The following ZNF248 variants were observed in gnomAD, a reference collection of about 807,000 sequenced individuals.
ZNF248 encodes KRAB protein domain.
ZNF248 carries 20 observed loss-of-function variants against 44.3 expected under a neutral mutation model. The ratio of observed to expected loss-of-function variants is 0.45; its 90% CI spans 0.32 to 0.66. ZNF248 has a LOEUF of 0.66. ZNF248 is among the 30% of genes least tolerant of loss of function. The probability of loss-of-function intolerance (pLI) is 0.04; values close to 1 mark genes in which losing one functional copy is unlikely to be tolerated. For synonymous variants in ZNF248, 224 were observed against 229.0 expected (o/e 0.98, Z 0.20); for missense variants, 654 against 677.0 (o/e 0.97, Z 0.38).
intron 6 of ZNF248, among the ~76,000 whole-genome samples, chr10:37,791,235 G>T: frequency 6.6e-6 from 1 of 151,250 alleles, no homozygotes; most frequent in East Asian, 1.9e-4. Context: ...GTAGAGACGG[G>T]GTTTCACCAT....
rs146896344 is a variant in ZNF248, at chr10:37,800,152, C to T, written c.331-23577G>A. On this transcript the variant is annotated intron_variant, in intron 6 of 6. Coordinates refer to the ZNF248 transcript ENST00000615949. ...TATTTTAGGTTCAGGGGTACATGTA[C>T]GGGTTTGTTATATAGGTAAGTTGCA... 2.7e-3 allele frequency among the ~76,000 whole-genome samples: 415 copies of T among 152,198 alleles called. 2 individuals carry two copies. The highest frequency in any genetic ancestry group is 3.0e-3 in the Non-Finnish European group (204 of 68,004).
At chr10:37,782,070 T>C (rs2047384803) in intron 6 of ZNF248, among the ~76,000 whole-genome samples, 1 of 152,206 alleles carries the variant, frequency 6.6e-6, no homozygotes, top group Admixed American at 6.5e-5. Flanking sequence ...TGGATGTCCA[T>C]TAAATATTAC....
At chr10:37,814,949 G>A (rs2133475298) in intron 6 of ZNF248, among the ~76,000 whole-genome samples, 1 of 152,132 alleles carries the variant, frequency 6.6e-6, no homozygotes, top group African/African-American at 2.4e-5. Context: ...ATTTTAAAAT[G>A]TTTCACCAAT....
downstream of ZNF248, among the ~76,000 whole-genome samples, chr10:37,774,592 T>C (rs1218367787): frequency 6.6e-6 from 1 of 152,112 alleles, no homozygotes; most frequent in East Asian, 1.9e-4. Flanking sequence ...CCTGGATCAA[T>C]TGAGCTGTCC....
chr10:37,784,388 C>G (rs746065948), intron 6 of ZNF248, among the ~76,000 whole-genome samples: 1 of 152,182 alleles, frequency 6.6e-6, no homozygotes, highest in Non-Finnish European at 1.5e-5. Context: ...AGAGCCTTCA[C>G]GCTGTCTCCT....
At position 37,856,530 on chromosome 10, in the gene ZNF248, G is replaced by C. The variant is rs2061322244; in HGVS notation, c.-123C>G. On this transcript the variant is annotated splice_region_variant and 5_prime_UTR_variant, in exon 2 of 6. Coordinates refer to ENST00000395867, the MANE Select transcript of ZNF248 (RefSeq NM_021045.3). ...TCTTATTGATTTATTACCAATTTAG[G>C]TTCTGTGACACAGAAAAATTAAAAA... 2.5e-6 allele frequency: 3 copies of C among 1,206,264 alleles called. No homozygotes were observed. The East Asian group carries it at 1.0e-4, about 41-fold the overall frequency. 74.7% of individuals were successfully genotyped at this position (1,206,264 alleles called of 1,614,324 possible).
chr10:37,843,807 G>C (rs971286186), intron 3 of ZNF248, among the ~76,000 whole-genome samples: 1 of 152,096 alleles, frequency 6.6e-6, no homozygotes, highest in African/African-American at 2.4e-5. Flanking sequence ...CATTTGAACA[G>C]ACAGCTGAAA....
chr10:37,831,598 A>T lies in ZNF248; in HGVS notation c.*17T>A. ...ACTGTATAACCAATTTCACAAGTGT[A>T]TGAAGGCTTCTAACATTCAGGATGT... On this transcript the variant is annotated 3_prime_UTR_variant, in exon 6 of 6. Transcript: ENST00000395867. The T allele has an allele frequency of 6.2e-7, 1 of 1,607,982 alleles. No homozygotes were observed. The highest frequency in any genetic ancestry group is 1.1e-5 in the South Asian group (1 of 90,732).
At chr10:37,761,804 G>T in the ZNF248 span, among the ~76,000 whole-genome samples, 1 of 152,154 alleles carries the variant, frequency 6.6e-6, no homozygotes, top group Admixed American at 6.5e-5. Flanking sequence ...TCAGCTCTAA[G>T]AAACAGAAAA....
At chr10:37,804,303 G>A (rs1448755534) in intron 6 of ZNF248, among the ~76,000 whole-genome samples, 1 of 151,644 alleles carries the variant, frequency 6.6e-6, no homozygotes, top group African/African-American at 2.4e-5. Flanking sequence ...TTCATAAACT[G>A]AGGATTTTCA....
At chr10:37,836,751 T>C (rs1040532852) in intron 5 of ZNF248, among the ~76,000 whole-genome samples, 1 of 144,818 alleles carries the variant, frequency 6.9e-6, no homozygotes, top group Non-Finnish European at 1.5e-5. Context: ...TGTGTACATA[T>C]ATACAAACAC....
At chr10:37,814,779 T>C (rs2052149667) in intron 6 of ZNF248, among the ~76,000 whole-genome samples, 1 of 152,244 alleles carries the variant, frequency 6.6e-6, no homozygotes, top group African/African-American at 2.4e-5. Context: ...CTTGTATGTA[T>C]GTATGTTATG....
In ZNF248 at chr10:37,838,043, A is replaced by G; in HGVS notation, c.84T>C (p.Ala28=). Residue 28 remains alanine, a synonymous_variant, in exon 4 of 6, where the codon GCT becomes GCC. Coordinates refer to ENST00000395867, the MANE Select transcript of ZNF248 (RefSeq NM_021045.3). ...TCACATCTCTGTATAGAATCTTCTG[A>G]GCAGGGTCCAGCAGATACCACTCTT... The part of the protein sequence containing the change: ...TQEEWYLLDP[A]QKILYRDVIL... 1 of 1,613,816 alleles carries G rather than the reference A, an allele frequency of 6.2e-7. No individual in the cohort carries two copies. Among genetic ancestry groups the G allele is most frequent in the Non-Finnish European group, 8.5e-7 (1 of 1,179,752 alleles).
Position 37,829,364 on chromosome 10 carries a change from A to G in ZNF248, c.*2251T>C, listed in dbSNP as rs1206927787. 1.0e-6 allele frequency: 1 copy of G among 985,350 alleles called. No individual in the cohort carries two copies. The highest frequency in any genetic ancestry group is 1.2e-6 in the Non-Finnish European group (1 of 829,946). The allele number at this position is 985,350 out of a possible 1,614,324, so 61.0% of individuals were successfully genotyped here. The stretch of plus-strand genomic sequence containing the variant: ...CCACTGTAATCAGTCTGCCATTAAA[A>G]TATTTTTAGTTGGAGAATTCTGTTT... On this transcript the variant is annotated 3_prime_UTR_variant, in exon 6 of 6. Transcript: ENST00000395867.
At chr10:37,777,210 G>A (rs571533265) in intron 6 of ZNF248, among the ~76,000 whole-genome samples, 5 of 152,158 alleles carry the variant, frequency 3.3e-5, no homozygotes, top group Admixed American at 2.0e-4. Context: ...ACAAAAAAAA[G>A]GAACTTGCCT....
At chr10:37,782,893 A>G (rs1040445657) in intron 6 of ZNF248, among the ~76,000 whole-genome samples, 11 of 152,132 alleles carry the variant, frequency 7.2e-5, no homozygotes, top group African/African-American at 2.7e-4. Context: ...ATAAATTTCT[A>G]TTGTTTAAGC....
the ZNF248 span, among the ~76,000 whole-genome samples, chr10:37,769,102 A>G: frequency 3.0e-4 from 46 of 152,322 alleles, no homozygotes; most frequent in East Asian, 7.2e-3. Context: ...TAGACCAATA[A>G]CAGGAGCTGA....
At chr10:37,816,723 CAG>C (rs1384236249) in intron 6 of ZNF248, among the ~76,000 whole-genome samples, 2 of 152,164 alleles carry the variant, frequency 1.3e-5, no homozygotes, top group African/African-American at 4.8e-5. Context: ...AGTTCATTAG[CAG>C]AGTTTTTGAC....
At chr10:37,815,717 G>A (rs1199472663) in intron 6 of ZNF248, among the ~76,000 whole-genome samples, 1 of 151,968 alleles carries the variant, frequency 6.6e-6, no homozygotes, top group African/African-American at 2.4e-5. Flanking sequence ...TTGTTGAAAA[G>A]TGGACATTTG....
Sources: allele counts gnomAD v4.1 joint callset (sites outside exome capture counted in the v4.1 genomes callset), GRCh38; gene constraint gnomAD v4.1.1; transcripts MANE v1.5; gene names NCBI Gene and HGNC (gene_info 2026-07-23, HGNC 2026-07-21).